GPC5: variants seen among roughly 807,000 people sequenced by gnomAD.
GPC5 encodes the protein glypican-5.
A neutral mutation model predicts 53.9 loss-of-function variants in GPC5; 47 were observed. That is an observed-to-expected ratio of 0.87 (90% CI 0.69 to 1.11). GPC5 has a LOEUF of 1.11. GPC5 is among the 50% of genes most tolerant of loss of function. The pLI is 0.00. For missense variants in GPC5, 748 were observed against 713.1 expected (o/e 1.05, Z -0.56); for synonymous variants, 286 against 263.3 (o/e 1.09, Z -0.84).
chr13:91,850,157 G>A (rs1194099252), intron 5 of GPC5, among the ~76,000 whole-genome samples: 1 of 152,152 alleles, frequency 6.6e-6, no homozygotes, highest in African/African-American at 2.4e-5. Context: ...TGAAAGGTTA[G>A]CAATGCTTAA....
chr13:92,635,542 G>T (rs140330784), intron 7 of GPC5, among the ~76,000 whole-genome samples: 83 of 152,234 alleles, frequency 5.5e-4, no homozygotes, highest in African/African-American at 1.9e-3. Context: ...CAAGACAATG[G>T]CATTAATCTG....
At chr13:92,482,825 T>C (rs1323303148) in intron 7 of GPC5, among the ~76,000 whole-genome samples, 3 of 152,114 alleles carry the variant, frequency 2.0e-5, no homozygotes, top group African/African-American at 7.2e-5. Context: ...GTAACTATAG[T>C]TATGCCATGC....
intron 6 of GPC5, among the ~76,000 whole-genome samples, chr13:91,946,646 G>A (rs1398616008): frequency 6.6e-6 from 1 of 152,038 alleles, no homozygotes; most frequent in Admixed American, 6.6e-5. Context: ...TGACAGCCCC[G>A]GTAAGTCTAG....
chr13:92,002,826 T>C (rs2040567858), intron 6 of GPC5, among the ~76,000 whole-genome samples: 1 of 152,192 alleles, frequency 6.6e-6, no homozygotes, highest in Admixed American at 6.5e-5. Flanking sequence ...ATTCAGTTGA[T>C]ATGAGCTGAA....
intron 7 of GPC5, among the ~76,000 whole-genome samples, chr13:92,355,834 G>A (rs1371791096): frequency 6.7e-6 from 1 of 149,972 alleles, no homozygotes; most frequent in Non-Finnish European, 1.5e-5. Context: ...TACTGTCAAT[G>A]AAACTATTAT....
At chr13:91,992,195 C>T (rs907603735) in intron 6 of GPC5, among the ~76,000 whole-genome samples, 3 of 151,988 alleles carry the variant, frequency 2.0e-5, no homozygotes, top group Admixed American at 6.6e-5. Context: ...CTATTCCTGG[C>T]TAATTTTTTG....
intron 2 of GPC5, among the ~76,000 whole-genome samples, chr13:91,650,750 G>GTTTTTGTT (rs1491353283): frequency 2.1e-4 from 21 of 99,600 alleles, no homozygotes; most frequent in Admixed American, 5.6e-4. Context: ...ATTCCCATAA[G>GTTTTTGTT]TTTTTTTTTT....
chr13:91,549,045 C>T (rs1233635792), intron 2 of GPC5, among the ~76,000 whole-genome samples: 2 of 151,982 alleles, frequency 1.3e-5, no homozygotes, highest in East Asian at 1.9e-4. Flanking sequence ...CCAAGGTGGT[C>T]GGATCACTAG....
intron 5 of GPC5, among the ~76,000 whole-genome samples, chr13:91,839,111 G>A (rs2038755482): frequency 6.6e-6 from 1 of 151,914 alleles, no homozygotes; most frequent in Admixed American, 6.6e-5. Context: ...CACATTTTTT[G>A]GTAATTTCAT....
intron 3 of GPC5, among the ~76,000 whole-genome samples, chr13:91,706,121 C>T (rs189911971): frequency 4.8e-4 from 73 of 151,944 alleles, no homozygotes; most frequent in Admixed American, 4.7e-3. Context: ...CCTCATGATC[C>T]GCCCACCTTG....
chr13:92,759,706 C>G (rs555171619), intron 7 of GPC5, among the ~76,000 whole-genome samples: 1 of 151,812 alleles, frequency 6.6e-6, no homozygotes. Flanking sequence ...TCTTTTATTT[C>G]TTTTTCTTGT....
intron 7 of GPC5, among the ~76,000 whole-genome samples, chr13:92,285,462 G>A (rs1357015854): frequency 6.6e-6 from 1 of 152,152 alleles, no homozygotes; most frequent in African/African-American, 2.4e-5. Context: ...AACAAAGCTG[G>A]AGGCATCACA....
intron 2 of GPC5, among the ~76,000 whole-genome samples, chr13:91,532,218 C>T (rs9301737): frequency 0.83 from 125,832 of 152,194 alleles, 54,370 homozygotes; most frequent in East Asian, 1. Flanking sequence ...TGGCTAAAAA[C>T]GATTAAATTG....
At chr13:92,617,136 G>A (rs1884715760) in intron 7 of GPC5, among the ~76,000 whole-genome samples, 1 of 152,110 alleles carries the variant, frequency 6.6e-6, no homozygotes, top group South Asian at 2.1e-4. Context: ...GGCTTGCTGA[G>A]TACTTTGCCC....
At position 92,391,807 on chromosome 13, in the gene GPC5, C is replaced by T. The variant is rs183886136; in HGVS notation, c.1561+246818C>T. 1.5e-4 allele frequency among the ~76,000 whole-genome samples: 23 copies of T among 152,178 alleles called. No individual in the cohort carries two copies. In the East Asian group the frequency reaches 3.9e-3, roughly 26 times the overall value. ...TCCTTTAGGGGAACACATAGAATCC[C>T]AGGCTACTGATTATCACTTTCTAGA... is the stretch of plus-strand genomic sequence containing the variant. On this transcript the variant is annotated intron_variant, in intron 7 of 7. Transcript: ENST00000377067.
intron 2 of GPC5, among the ~76,000 whole-genome samples, chr13:91,629,561 T>C (rs1471198881): frequency 6.6e-6 from 1 of 152,096 alleles, no homozygotes. Context: ...GAGAATCGCT[T>C]GAACCCAGGA....
chr13:92,028,226 G>A (rs976571082), intron 6 of GPC5, among the ~76,000 whole-genome samples: 4 of 151,918 alleles, frequency 2.6e-5, no homozygotes, highest in South Asian at 2.1e-4. Flanking sequence ...AGATAAAAAC[G>A]AACTTCTTAT....
At chr13:91,833,022 G>A (rs923914417) in intron 5 of GPC5, among the ~76,000 whole-genome samples, 4 of 152,008 alleles carry the variant, frequency 2.6e-5, no homozygotes, top group African/African-American at 7.2e-5. Flanking sequence ...AGAAAAGAGA[G>A]AAGAATCAAA....
At chr13:91,986,301 G>A (rs556391497) in intron 6 of GPC5, among the ~76,000 whole-genome samples, 33 of 151,896 alleles carry the variant, frequency 2.2e-4, no homozygotes, top group Admixed American at 1.4e-3. Context: ...TCCTAACCTC[G>A]TGATCCACCC....
Sources: allele counts gnomAD v4.1 joint callset (sites outside exome capture counted in the v4.1 genomes callset), GRCh38; gene constraint gnomAD v4.1.1; transcripts MANE v1.5; gene names NCBI Gene and HGNC (gene_info 2026-07-23, HGNC 2026-07-21).